Variants in PTPN21 observed in about 807,000 individuals in gnomAD.
PTPN21 encodes tyrosine-protein phosphatase non-receptor type 21.
PTPN21 carries 77 observed loss-of-function variants against 131.8 expected under a neutral mutation model. That is an observed-to-expected ratio of 0.58 (90% CI 0.49 to 0.71). PTPN21 has a LOEUF of 0.71. PTPN21 is among the 30% of genes least tolerant of loss of function. PTPN21 has a pLI of 0.00. For synonymous variants in PTPN21, 715 were observed against 621.3 expected (o/e 1.15, Z -2.24); for missense variants, 1,552 against 1,527.1 (o/e 1.02, Z -0.27).
chr14:88,517,045 A>G (rs754900344), intron 3 of PTPN21, 47 bp downstream of exon 3: 53 of 1,585,370 alleles, frequency 3.3e-5, no homozygotes, highest in Non-Finnish European at 4.6e-5. Flanking sequence ...CACTTTTTAC[A>G]TCTCACTAGA....
intron 2 of PTPN21, among the ~76,000 whole-genome samples, chr14:88,523,299 A>G (rs1478735258): frequency 1.3e-5 from 2 of 152,146 alleles, no homozygotes; most frequent in African/African-American, 2.4e-5. Context: ...CATACCCCCC[A>G]AAATCATTAT....
Position 88,507,967 on chromosome 14 carries a change from C to T in PTPN21, c.404G>A (p.Cys135Tyr). The T allele has an allele frequency of 6.2e-7, 1 of 1,608,100 alleles. No individual in the cohort carries two copies. The highest frequency in any genetic ancestry group is 8.5e-7 in the Non-Finnish European group (1 of 1,177,284). ...KKDILEGSIP[C>Y]TLEQAIQLAG... Reference sequence around the variant, plus strand: ...TAGCTGAATTGCTTGTTCTAAGGTACAAGGAATACTTCCTTCCAAGATATC... The same window carrying T: ...TAGCTGAATTGCTTGTTCTAAGGTATAAGGAATACTTCCTTCCAAGATATC... The change falls in exon 4 of 19, where the codon TGT becomes TAT. Residue 135 changes from cysteine (C) to tyrosine (Y), a missense_variant. Physicochemically the swap from Cys to Tyr is radical, Grantham distance 194. This residue lies in a region of PTPN21 where 206 missense variants were observed against 221.6 expected (regional missense o/e 0.93). Coordinates refer to ENST00000556564, the MANE Select transcript of PTPN21 (RefSeq NM_007039.4).
intron 10 of PTPN21, among the ~76,000 whole-genome samples, chr14:88,487,869 G>C (rs546674054): frequency 6.6e-6 from 1 of 151,874 alleles, no homozygotes; most frequent in African/African-American, 2.4e-5. Flanking sequence ...AGGACGCTGA[G>C]GCAGGAGAAT....
At position 88,554,699 on chromosome 14, in the gene PTPN21, G is replaced by GA. The variant is rs2078902307; in HGVS notation, c.-252_-251insT. 6.8e-6 allele frequency: 1 copy of GA among 147,806 alleles called. No homozygotes were observed. The highest frequency in any genetic ancestry group is 2.4e-5 in the African/African-American group (1 of 40,888). 9.2% of individuals were successfully genotyped at this position (147,806 alleles called of 1,614,324 possible). A position where few individuals can be genotyped will look rare whatever the true frequency, so the allele number is the denominator to read the frequency against. On this transcript the variant is annotated 5_prime_UTR_variant, in exon 1 of 19. The change abolishes the stop of an existing upstream ORF in the 5' untranslated region. Coordinates refer to ENST00000556564, the MANE Select transcript of PTPN21 (RefSeq NM_007039.4). ...TCCTCGGGGCCGCGCGCCCCGCTCA[G>GA]CGACCCGCCTCCCGGGGCCCCGCCG... is the stretch of plus-strand genomic sequence containing the variant.
intron 2 of PTPN21, among the ~76,000 whole-genome samples, chr14:88,524,921 G>A (rs1050593885): frequency 2.2e-4 from 34 of 151,370 alleles, no homozygotes; most frequent in Middle Eastern, 3.4e-3. Flanking sequence ...ACATACACAC[G>A]CACAAAATTT....
intron 3 of PTPN21, among the ~76,000 whole-genome samples, chr14:88,509,187 A>AT (rs1260716165): frequency 6.7e-6 from 1 of 149,496 alleles, no homozygotes; most frequent in Non-Finnish European, 1.5e-5. Context: ...CCTTTTATTT[A>AT]TTTTCTCAAC....
In PTPN21 at chr14:88,479,188, C is replaced by T. The variant is rs150491260; in HGVS notation, c.2243G>A (p.Arg748His). 4,623 of 1,568,284 alleles carry T rather than the reference C, an allele frequency of 2.9e-3. 12 individuals are homozygous for T. The highest frequency in any genetic ancestry group is 3.7e-3 in the Admixed American group (197 of 53,052). Residue 748 changes from arginine to histidine, a missense_variant, in exon 13 of 19, where the codon CGC (arginine) becomes CAC (histidine). By Grantham distance (29) the Arg-to-His change is conservative (BLOSUM62 0). Around this residue, in one of 4 missense-constraint regions of PTPN21, gnomAD observed 1,016 missense variants for 883.5 expected, o/e 1.15. Transcript: ENST00000556564. Reference sequence around the variant, plus strand: ...GTGCAGGGGCCCGGCGAGCAGGACGCGAGGGCAGCCAGGTGGGTCCTGGGC... The same window carrying T: ...GTGCAGGGGCCCGGCGAGCAGGACGTGAGGGCAGCCAGGTGGGTCCTGGGC... ...GLAQDPPGCP[R>H]VLLAGPLHIL...
Position 88,469,107 on chromosome 14 carries a change from T to C in PTPN21, c.3236-31A>G. The C allele has an allele frequency of 6.3e-7, 1 of 1,589,550 alleles. No homozygotes were observed. Among genetic ancestry groups the C allele is most frequent in the Non-Finnish European group, 8.6e-7 (1 of 1,162,400 alleles). Reference sequence around the variant, plus strand: ...GAAAATCAATGAAATAGAAAAGTACTCAAGGATCAAGGCGTATCACATTGT... The same window carrying C: ...GAAAATCAATGAAATAGAAAAGTACCCAAGGATCAAGGCGTATCACATTGT... On this transcript the variant is annotated intron_variant, in intron 17 of 18. Coordinates refer to ENST00000556564, the MANE Select transcript of PTPN21 (RefSeq NM_007039.4). The surrounding 1 kb of genome is among the most constrained non-coding windows in gnomAD (Gnocchi z 4.3).
Position 88,479,746 on chromosome 14 carries a change from A to G in PTPN21, c.1685T>C (p.Val562Ala). 1.3e-6 allele frequency: 2 copies of G among 1,540,360 alleles called. No homozygotes were observed. The highest frequency in any genetic ancestry group is 1.7e-6 in the Non-Finnish European group (2 of 1,150,592). Residue 562 changes from valine (V) to alanine (A), a missense_variant, in exon 13 of 19, where the codon GTG (valine) becomes GCG (alanine). Around this residue, in one of 4 missense-constraint regions of PTPN21, gnomAD observed 1,016 missense variants for 883.5 expected, o/e 1.15. Transcript: ENST00000556564. ...CGGGTAGGGTGGGGGTGGCCGGTACACCTGCGTCCGCATGATGTTGGGAGA... is the reference window on the plus strand; with the variant it reads ...CGGGTAGGGTGGGGGTGGCCGGTACGCCTGCGTCCGCATGATGTTGGGAGA... ...YPSPNIMRTQ[V>A]YRPPPPYPPP...
chr14:88,547,867 C>T (rs981082953), intron 2 of PTPN21, among the ~76,000 whole-genome samples: 6 of 152,094 alleles, frequency 3.9e-5, no homozygotes, highest in Non-Finnish European at 8.8e-5. Flanking sequence ...TGATACTTCC[C>T]AATATCTTCC....
intron 13 of PTPN21, among the ~76,000 whole-genome samples, chr14:88,474,358 C>T (rs1341510578): frequency 6.6e-6 from 1 of 151,960 alleles, no homozygotes; most frequent in Non-Finnish European, 1.5e-5. Context: ...CCCAACTAAT[C>T]TTTGTGTGTT....
rs2078401262 is a variant in PTPN21, at chr14:88,521,974, T to C, written c.181-4713A>G. ...GAAAACTGTTAAAATATGCTAACTT[T>C]ATCAGTGCATCTATTACTCATGCAA... is the stretch of plus-strand genomic sequence containing the variant. On this transcript the variant is annotated intron_variant, in intron 2 of 18. Transcript: ENST00000556564. Among the ~76,000 whole-genome samples the C allele has an allele frequency of 1.3e-5, 2 of 152,230 alleles. 1 individual carries two copies. Among genetic ancestry groups the C allele is most frequent in the South Asian group, 4.1e-4 (2 of 4,830 alleles).
At chr14:88,524,841 G>C (rs750018501) in intron 2 of PTPN21, among the ~76,000 whole-genome samples, 1 of 151,888 alleles carries the variant, frequency 6.6e-6, no homozygotes, top group Non-Finnish European at 1.5e-5. Flanking sequence ...GGAGACCAAG[G>C]CTTCAGTAAG....
chr14:88,472,733 G>T (rs2077490402), intron 14 of PTPN21, among the ~76,000 whole-genome samples: 1 of 152,086 alleles, frequency 6.6e-6, no homozygotes, highest in African/African-American at 2.4e-5. Context: ...AGCCAGGTGT[G>T]GTGGTGCATG....
At chr14:88,528,817 T>C (rs1841512957) in intron 2 of PTPN21, among the ~76,000 whole-genome samples, 1 of 152,230 alleles carries the variant, frequency 6.6e-6, no homozygotes, top group Non-Finnish European at 1.5e-5. Flanking sequence ...GCTATGACTA[T>C]CAGCAGCATG....
intron 2 of PTPN21, among the ~76,000 whole-genome samples, chr14:88,536,868 G>T (rs1194813898): frequency 6.6e-6 from 1 of 152,118 alleles, no homozygotes; most frequent in African/African-American, 2.4e-5. Context: ...AGTCTATCCC[G>T]GGAAGAGATC....
intron 2 of PTPN21, among the ~76,000 whole-genome samples, chr14:88,525,579 T>C (rs2078462900): frequency 6.6e-6 from 1 of 152,174 alleles, no homozygotes; most frequent in Admixed American, 6.6e-5. Flanking sequence ...GAGGAGAAAC[T>C]GGAACCCTTA....
intron 3 of PTPN21, among the ~76,000 whole-genome samples, chr14:88,512,118 C>A (rs1270743762): frequency 6.6e-6 from 1 of 152,154 alleles, no homozygotes; most frequent in East Asian, 1.9e-4. Flanking sequence ...CACCCATCAA[C>A]CTTATGCCTA....
At chr14:88,485,244 G>T in intron 11 of PTPN21, 84 bp from the exon 12 acceptor site, 1 of 832,898 alleles carries the variant, frequency 1.2e-6, no homozygotes, top group Non-Finnish European at 1.8e-6. Context: ...GATTCTTTCT[G>T]TTAAAAAAAC....
Sources: allele counts gnomAD v4.1 joint callset (sites outside exome capture counted in the v4.1 genomes callset), GRCh38; gene constraint gnomAD v4.1.1; regional missense constraint gnomAD v4.1.1; non-coding constraint Gnocchi (gnomAD v3.1); transcripts MANE v1.5; gene names NCBI Gene and HGNC (gene_info 2026-07-23, HGNC 2026-07-21).